ANO6: variants seen among roughly 807,000 people sequenced by gnomAD.
ANO6 encodes anoctamin 6, also known as anoctamin-6.
Under a neutral mutation model 117.5 loss-of-function variants are expected in ANO6, and 106 were observed. That is an observed-to-expected ratio of 0.90 (90% CI 0.77 to 1.06). ANO6 has a LOEUF of 1.06. Among genes scored for constraint, ANO6 ranks in the 50% least tolerant of loss-of-function variants. ANO6 has a pLI of 0.00. For missense variants in ANO6, 955 were observed against 1,121.1 expected (o/e 0.85, Z 2.12); for synonymous variants, 367 against 385.1 (o/e 0.95, Z 0.55).
At chr12:45,329,170 A>G (rs1489383015) in intron 2 of ANO6, among the ~76,000 whole-genome samples, 4 of 152,188 alleles carry the variant, frequency 2.6e-5, no homozygotes, top group South Asian at 2.1e-4. Context: ...TGGACAAATA[A>G]TTTAACTTCA....
At chr12:45,238,219 C>T (rs113303066) in intron 1 of ANO6, among the ~76,000 whole-genome samples, 5 of 147,776 alleles carry the variant, frequency 3.4e-5, no homozygotes, top group African/African-American at 7.5e-5. Context: ...GGCAGGATCT[C>T]GGCTCACTGC....
intron 4 of ANO6, 98 bp from the exon 5 acceptor site, chr12:45,347,929 GT>G (rs753761528): frequency 5.0e-6 from 6 of 1,201,844 alleles, no homozygotes; most frequent in African/African-American, 3.0e-5. Flanking sequence ...TCTCTGTATT[GT>G]TTTTTTAAAG....
chr12:45,344,422 G>A (rs1941069700), intron 3 of ANO6, among the ~76,000 whole-genome samples: 2 of 152,190 alleles, frequency 1.3e-5, no homozygotes, highest in South Asian at 2.1e-4. Context: ...TCTGCAGGCT[G>A]TACAGGAGGC....
chr12:45,292,960 G>A (rs985444674), intron 1 of ANO6: 1 of 1,551,238 alleles, frequency 6.4e-7, no homozygotes, highest in Admixed American at 2.0e-5. Flanking sequence ...TATTTGGTGA[G>A]TTGCTGGAAC....
intron 8 of ANO6, among the ~76,000 whole-genome samples, chr12:45,361,588 C>T (rs563469032): frequency 9.9e-5 from 15 of 152,092 alleles, no homozygotes; most frequent in Non-Finnish European, 2.1e-4. Context: ...AGGAGGAAAG[C>T]ATTCAGTCTT....
intron 1 of ANO6, among the ~76,000 whole-genome samples, chr12:45,239,565 T>C (rs1403412005): frequency 7.2e-5 from 11 of 152,144 alleles, no homozygotes; most frequent in Non-Finnish European, 1.0e-4. Flanking sequence ...GCTCTGATCT[T>C]AGTTATTTCT....
chr12:45,236,687 A>C (rs980221243), intron 1 of ANO6, among the ~76,000 whole-genome samples: 1 of 152,232 alleles, frequency 6.6e-6, no homozygotes, highest in African/African-American at 2.4e-5. Context: ...TGCAATAAAC[A>C]TACGTGTGCA....
intron 1 of ANO6, chr12:45,292,699 T>C: frequency 1.5e-6 from 2 of 1,318,072 alleles, no homozygotes; most frequent in Non-Finnish European, 1.9e-6. Context: ...CAGAGGAGGC[T>C]TGTAGGAATA....
At chr12:45,248,564 G>A (rs1368202485) in intron 1 of ANO6, among the ~76,000 whole-genome samples, 1 of 151,342 alleles carries the variant, frequency 6.6e-6, no homozygotes, top group Non-Finnish European at 1.5e-5. Context: ...CTCCTGAGTA[G>A]CTAGGATTAC....
intron 18 of ANO6, 143 bp from the exon 19 acceptor site, chr12:45,422,814 T>G: frequency 1.4e-6 from 1 of 709,142 alleles, no homozygotes; most frequent in East Asian, 2.7e-5. Flanking sequence ...CCTCAAGTGA[T>G]CCACATGCCT....
At chr12:45,333,163 T>C (rs1009124124) in intron 3 of ANO6, among the ~76,000 whole-genome samples, 3 of 152,018 alleles carry the variant, frequency 2.0e-5, no homozygotes, top group Non-Finnish European at 2.9e-5. Context: ...AAATAACATA[T>C]AGATGTTACA....
chr12:45,303,818 A>G (rs2137311857), intron 2 of ANO6, among the ~76,000 whole-genome samples: 1 of 152,346 alleles, frequency 6.6e-6, no homozygotes, highest in South Asian at 2.1e-4. Flanking sequence ...TGAATCTGAG[A>G]ACACCCAAGC....
chr12:45,306,895 A>C (rs1939688820), intron 2 of ANO6, among the ~76,000 whole-genome samples: 2 of 152,042 alleles, frequency 1.3e-5, no homozygotes, highest in African/African-American at 4.8e-5. Context: ...AGAAGTTCCA[A>C]GTGAAAAAAC....
chr12:45,399,527 G>A (rs1942728347), intron 12 of ANO6, among the ~76,000 whole-genome samples: 1 of 151,998 alleles, frequency 6.6e-6, no homozygotes, highest in African/African-American at 2.4e-5. Context: ...CTCTATTGAT[G>A]GGTGAAGCTT....
Position 45,429,937 on chromosome 12 carries a change from G to A in ANO6, c.*626G>A, listed in dbSNP as rs1043474534. ...AAAAAAATACTCTTAGTAGGTTGGA[G>A]TGAAGATAGCAAGGTTTTGAAGCAT... On this transcript the variant is annotated 3_prime_UTR_variant, in exon 20 of 20. Coordinates refer to ENST00000320560, the MANE Select transcript of ANO6 (RefSeq NM_001025356.3). The A allele has an allele frequency of 6.1e-6, 6 of 988,190 alleles. No homozygotes were observed. In the African/African-American group the frequency reaches 8.7e-5, roughly 14 times the overall value. The allele number at this position is 988,190 out of a possible 1,614,324, so 61.2% of individuals were successfully genotyped here. A position where few individuals can be genotyped will look rare whatever the true frequency, so the allele number is the denominator to read the frequency against.
At chr12:45,320,614 T>A (rs1042344671) in intron 2 of ANO6, among the ~76,000 whole-genome samples, 1 of 152,038 alleles carries the variant, frequency 6.6e-6, no homozygotes, top group Non-Finnish European at 1.5e-5. Flanking sequence ...GGGTGGAGAG[T>A]TCTGTAGCTA....
intron 1 of ANO6, among the ~76,000 whole-genome samples, chr12:45,236,980 G>A (rs568008228): frequency 1.4e-4 from 22 of 152,076 alleles, no homozygotes; most frequent in Non-Finnish European, 1.5e-4. Flanking sequence ...TGATGACGGG[G>A]GATGATGAGC....
At chr12:45,407,616 A>G (rs1339555695) in intron 15 of ANO6, among the ~76,000 whole-genome samples, 2 of 151,728 alleles carry the variant, frequency 1.3e-5, no homozygotes, top group African/African-American at 4.8e-5. Flanking sequence ...TGAAGTGGGA[A>G]CCACTGATCC....
intron 1 of ANO6, among the ~76,000 whole-genome samples, chr12:45,245,436 T>TTTC (rs1947810227): frequency 6.6e-6 from 1 of 151,706 alleles, no homozygotes; most frequent in Non-Finnish European, 1.5e-5. Flanking sequence ...TTTTTTTTTT[T>TTTC]TGTGGGGAGA....
Sources: gnomAD v4.1 joint callset for allele counts (sites outside exome capture counted in the v4.1 genomes callset) on GRCh38, gnomAD v4.1.1 for gene constraint, MANE v1.5 for transcripts, NCBI Gene and HGNC (gene_info 2026-07-23, HGNC 2026-07-21) for gene names.